Variants in CTNNA1 observed in about 807,000 individuals in gnomAD.
The protein encoded by CTNNA1 is catenin alpha 1.
Under a neutral mutation model 98.4 loss-of-function variants are expected in CTNNA1, and 37 were observed. That is an observed-to-expected ratio of 0.38 (90% CI 0.29 to 0.49). The LOEUF (loss-of-function observed/expected upper bound fraction) is 0.49, where lower values mean the gene tolerates loss of function less well. Among genes scored for constraint, CTNNA1 ranks in the 20% least tolerant of loss-of-function variants. The pLI is 0.95. For synonymous variants in CTNNA1, 404 were observed against 413.2 expected (o/e 0.98, Z 0.27); for missense variants, 761 against 1,147.2 (o/e 0.66, Z 4.86).
chr5:138,786,360 A>C (rs1249799520), intron 3 of CTNNA1, among the ~76,000 whole-genome samples: 3 of 152,216 alleles, frequency 2.0e-5, no homozygotes, highest in Non-Finnish European at 4.4e-5. Context: ...TACATATTAC[A>C]AAAATATGAA....
chr5:138,859,483 A>T (rs137910473), intron 7 of CTNNA1, among the ~76,000 whole-genome samples: 2 of 152,294 alleles, frequency 1.3e-5, no homozygotes, highest in East Asian at 3.9e-4. Flanking sequence ...TGGACTTGTC[A>T]TCTCTACTTG....
At chr5:138,785,595 C>CT in intron 3 of CTNNA1, among the ~76,000 whole-genome samples, 1 of 152,186 alleles carries the variant, frequency 6.6e-6, no homozygotes, top group Admixed American at 6.5e-5. Flanking sequence ...GAGTCTTGCT[C>CT]TGTCTCCCAG....
At chr5:138,894,907 C>T (rs957081147) in intron 9 of CTNNA1, among the ~76,000 whole-genome samples, 3 of 152,220 alleles carry the variant, frequency 2.0e-5, no homozygotes, top group Admixed American at 2.0e-4. Flanking sequence ...CCTCTACCCA[C>T]ATGTCACTTC....
intron 7 of CTNNA1, among the ~76,000 whole-genome samples, chr5:138,838,101 A>G (rs554245623): frequency 3.8e-4 from 58 of 152,308 alleles, no homozygotes; most frequent in East Asian, 1.4e-3. Flanking sequence ...GGGTTTCACC[A>G]TGTTGGCCAG....
chr5:138,921,945 G>A lies in CTNNA1; in HGVS notation c.1547-2565G>A, dbSNP rs774042611. ...TTTTTTTTTTTAAGCCTACTATATAGTTTACATGGCAAGCCATCAGAATAG... is the reference window on the plus strand; with the variant it reads ...TTTTTTTTTTTAAGCCTACTATATAATTTACATGGCAAGCCATCAGAATAG... On this transcript the variant is annotated intron_variant, in intron 11 of 17. Transcript: ENST00000302763. Among the ~76,000 whole-genome samples, 9 of 151,082 alleles carry A rather than the reference G, an allele frequency of 6.0e-5. No homozygotes were observed. The South Asian group carries it at 1.9e-3, about 32-fold the overall frequency.
rs762477632 is a variant in CTNNA1, at chr5:138,810,070, G to T, written c.334G>T (p.Ala112Ser). ...GATGAAGGCTGCTGCAGGAGAGTTCGCAGATGATCCCTGCTCTTCTGTGAA... is the reference window on the plus strand; with the variant it reads ...GATGAAGGCTGCTGCAGGAGAGTTCTCAGATGATCCCTGCTCTTCTGTGAA... ...DLMKAAAGEF[A>S]DDPCSSVKRG... is the part of the protein sequence containing the mutation. The change falls in exon 4 of 18, where the codon GCA becomes TCA. Residue 112 changes from alanine (A) to serine (S), a missense_variant. By Grantham distance (99) the Ala-to-Ser change is moderately conservative. Transcript: ENST00000302763. The T allele has an allele frequency of 6.2e-7, 1 of 1,613,278 alleles. No individual in the cohort carries two copies. The highest frequency in any genetic ancestry group is 8.5e-7 in the Non-Finnish European group (1 of 1,179,314).
chr5:138,886,424 C>A, intron 8 of CTNNA1, 132 bp downstream of exon 8: 1 of 964,240 alleles, frequency 1.0e-6, no homozygotes, highest in Non-Finnish European at 1.5e-6. Flanking sequence ...AAGTGCCTAT[C>A]TTTGTTTTGT....
intron 7 of CTNNA1, among the ~76,000 whole-genome samples, chr5:138,840,447 TATGTGCAA>T (rs1252386531): frequency 6.6e-6 from 1 of 152,254 alleles, no homozygotes; most frequent in Non-Finnish European, 1.5e-5. Flanking sequence ...CTATAAAATG[TATGTGCAA>T]ATGTGCAAAT....
intron 1 of CTNNA1, among the ~76,000 whole-genome samples, chr5:138,777,560 T>C (rs1754482903): frequency 6.6e-6 from 1 of 151,898 alleles, no homozygotes; most frequent in South Asian, 2.1e-4. Flanking sequence ...CACTCCAGCC[T>C]GGGCACCATT....
rs147284653 is a variant in CTNNA1, at chr5:138,907,790, A to G, written c.1389+3349A>G. On this transcript the variant is annotated intron_variant, in intron 10 of 17. Transcript: ENST00000302763. ...TGTTGACCTCTCTTCACAGTGTGGAAGAGGTGCTCAGTGCTTCTAGGATGT... is the reference window on the plus strand; with the variant it reads ...TGTTGACCTCTCTTCACAGTGTGGAGGAGGTGCTCAGTGCTTCTAGGATGT... Among the ~76,000 whole-genome samples, 344 of 152,260 alleles carry G rather than the reference A, an allele frequency of 2.3e-3. 2 individuals carry two copies. Among genetic ancestry groups the G allele is most frequent in the Middle Eastern group, 6.8e-3 (2 of 294 alleles).
intron 3 of CTNNA1, among the ~76,000 whole-genome samples, chr5:138,806,441 G>A (rs577619037): frequency 6.6e-6 from 1 of 151,336 alleles, no homozygotes; most frequent in East Asian, 1.9e-4. Context: ...GCCCTAGCTT[G>A]CAACCTTTAA....
At chr5:138,776,744 G>T (rs1305974414) in intron 1 of CTNNA1, among the ~76,000 whole-genome samples, 58 of 149,702 alleles carry the variant, frequency 3.9e-4, no homozygotes, top group African/African-American at 1.4e-3. Context: ...CCCAGTAGGG[G>T]CGGCCGGGCA....
chr5:138,794,794 GGA>G (rs1381332890), intron 3 of CTNNA1, among the ~76,000 whole-genome samples: 2 of 152,190 alleles, frequency 1.3e-5, no homozygotes, highest in Non-Finnish European at 2.9e-5. Context: ...CTTGAAGTTA[GGA>G]GATAATTTTG....
chr5:138,850,131 A>G (rs946563505), intron 7 of CTNNA1, among the ~76,000 whole-genome samples: 5 of 152,240 alleles, frequency 3.3e-5, no homozygotes, highest in East Asian at 1.9e-4. Context: ...CTCTAAAACA[A>G]TGTTTTCCTA....
intron 11 of CTNNA1, among the ~76,000 whole-genome samples, chr5:138,922,322 G>A (rs1763079355): frequency 6.6e-6 from 1 of 152,192 alleles, no homozygotes; most frequent in African/African-American, 2.4e-5. Context: ...AGGAAAGACT[G>A]AATAAGTGAA....
chr5:138,913,164 C>T (rs1054966693), intron 10 of CTNNA1, among the ~76,000 whole-genome samples: 22 of 151,868 alleles, frequency 1.4e-4, no homozygotes, highest in Non-Finnish European at 1.6e-4. Flanking sequence ...TTAACCTTTA[C>T]ATATTTCGTT....
At chr5:138,891,483 G>T (rs1299534689) in intron 9 of CTNNA1, among the ~76,000 whole-genome samples, 3 of 152,008 alleles carry the variant, frequency 2.0e-5, no homozygotes, top group Non-Finnish European at 4.4e-5. Flanking sequence ...ATTAATGGCC[G>T]GGCACTGTGG....
intron 10 of CTNNA1, among the ~76,000 whole-genome samples, chr5:138,913,218 T>C (rs1020772516): frequency 2.2e-4 from 33 of 152,294 alleles, no homozygotes; most frequent in African/African-American, 7.9e-4. Flanking sequence ...CATTTTGTAT[T>C]CTGTTTTTTT....
At chr5:138,917,116 A>T (rs2150229650) in intron 10 of CTNNA1, among the ~76,000 whole-genome samples, 1 of 152,364 alleles carries the variant, frequency 6.6e-6, no homozygotes, top group Middle Eastern at 3.4e-3. Flanking sequence ...TTTTTTGAGC[A>T]GTTTTTTGTT....
Sources: allele counts gnomAD v4.1 joint callset (sites outside exome capture counted in the v4.1 genomes callset), GRCh38; gene constraint gnomAD v4.1.1; transcripts MANE v1.5; gene names NCBI Gene and HGNC (gene_info 2026-07-23, HGNC 2026-07-21).